The following ZNF273 variants were observed in gnomAD, a reference collection of about 807,000 sequenced individuals.
ZNF273 encodes zinc finger protein 9.
A neutral mutation model predicts 14.9 loss-of-function variants in ZNF273; 11 were observed. The ratio of observed to expected loss-of-function variants is 0.74; its 90% CI spans 0.46 to 1.22. ZNF273 has a LOEUF of 1.22. Among genes scored for constraint, ZNF273 ranks in the 50% most tolerant of loss-of-function variants. The pLI is 0.00. For missense variants in ZNF273, 577 were observed against 660.6 expected, an observed-to-expected ratio of 0.87 and a Z score of 1.39; for synonymous variants, 199 against 223.9, an observed-to-expected ratio of 0.89 and a Z score of 0.99.
rs764423154 is a variant in ZNF273 at position 64,928,847 on chromosome 7, A to G, written c.1519A>G (p.Ile507Val). 5.0e-6 allele frequency: 8 copies of G among 1,613,666 alleles called. No homozygotes were observed. The highest frequency in any genetic ancestry group is 6.8e-6 in the Non-Finnish European group (8 of 1,179,906). ...WSSTLTKHKR[I>V]HTGEKPYKCE... ...CTCAACTCTTACTAAACATAAGAGA[A>G]TTCATACTGGAGAGAAGCCCTACAA... Residue 507 changes from isoleucine to valine, a missense_variant, in exon 4 of 4, where the codon ATT becomes GTT. Physicochemically the swap from Ile to Val is conservative, Grantham distance 29 (BLOSUM62 3). This residue lies in a region of ZNF273 where 411 missense variants were observed against 440.4 expected (regional missense o/e 0.93). Coordinates refer to ENST00000476120, the MANE Select transcript of ZNF273 (RefSeq NM_021148.3).
At position 64,903,322 on chromosome 7, in the gene ZNF273, C is replaced by T. The variant is rs1792858125; in HGVS notation, c.5C>T (p.Ser2Phe). The change falls in exon 1 of 4, where the codon TCC becomes TTC. Residue 2 changes from serine (S) to phenylalanine (F), a missense_variant. By Grantham distance (155) the Ser-to-Phe change is radical. Coordinates refer to ENST00000476120, the MANE Select transcript of ZNF273 (RefSeq NM_021148.3). M[S>F]SAPRGPPSVA... ...AGGTCTCGTCTTCACTGCTCTATGT[C>T]CTCTGCTCCTAGAGGTCCACCTTCT... 6.2e-7 allele frequency: 1 copy of T among 1,611,794 alleles called. No homozygotes were observed. The highest frequency in any genetic ancestry group is 2.2e-5 in the East Asian group (1 of 44,796).
Position 64,928,689 on chromosome 7 carries a change from G to T in ZNF273, c.1361G>T (p.Gly454Val). ...TLTKHKIIHTGAKPYKCEECG... is the reference protein window; with the variant it reads ...TLTKHKIIHTVAKPYKCEECG... ...ACTAAACATAAGATAATTCATACTG[G>T]AGCAAAACCTTACAAATGTGAAGAA... Residue 454 changes from glycine to valine, a missense_variant, in exon 4 of 4, where the codon GGA becomes GTA. This residue lies in a region of ZNF273 where 411 missense variants were observed against 440.4 expected (regional missense o/e 0.93). Coordinates refer to ENST00000476120, the MANE Select transcript of ZNF273 (RefSeq NM_021148.3). 6.2e-7 allele frequency: 1 copy of T among 1,606,216 alleles called. No individual in the cohort carries two copies. The highest frequency in any genetic ancestry group is 1.1e-5 in the South Asian group (1 of 90,536).
chr7:64,903,111 T>C (rs1792834515), upstream of ZNF273: 2 of 480,798 alleles, frequency 4.2e-6, no homozygotes, highest in South Asian at 4.6e-5. Context: ...GGTTTCATTC[T>C]ATCTTCTTTC....
At chr7:64,894,058 G>T (rs1347276403), downstream of ZNF273, among the ~76,000 whole-genome samples, 1 of 152,128 alleles carries the variant, frequency 6.6e-6, no homozygotes, top group Admixed American at 6.5e-5. Context: ...AGGCTGGAGT[G>T]CAGTGGTGCA....
intron 3 of ZNF273, among the ~76,000 whole-genome samples, chr7:64,922,179 A>G (rs1794515281): frequency 1.3e-5 from 2 of 148,178 alleles, no homozygotes; most frequent in Admixed American, 6.8e-5. Flanking sequence ...ATCTCATTCC[A>G]TCAACCACGC....
At chr7:64,887,167 G>A (rs1297277759) in intron 1 of ZNF273, among the ~76,000 whole-genome samples, 2 of 152,194 alleles carry the variant, frequency 1.3e-5, no homozygotes, top group African/African-American at 4.8e-5. Flanking sequence ...GCAAAGCTAG[G>A]TCTATCATTA....
downstream of ZNF273, among the ~76,000 whole-genome samples, chr7:64,932,224 TAA>T (rs34367766): frequency 1.4e-5 from 2 of 146,748 alleles, no homozygotes. Context: ...TAACTGTTTG[TAA>T]AAAAAAAAAA....
chr7:64,886,453 TG>T (rs1334579958), intron 1 of ZNF273, among the ~76,000 whole-genome samples: 1 of 152,178 alleles, frequency 6.6e-6, no homozygotes, highest in African/African-American at 2.4e-5. Context: ...AATTTGCACT[TG>T]GTGGAGAAAA....
At chr7:64,892,045 G>C (rs902372471), downstream of ZNF273, among the ~76,000 whole-genome samples, 1 of 152,066 alleles carries the variant, frequency 6.6e-6, no homozygotes, top group Non-Finnish European at 1.5e-5. Context: ...AATGACCCTG[G>C]CTCCTAGGTG....
rs1239263037 is a variant in ZNF273, at chr7:64,924,430, A to G, written c.326-3224A>G. 2.0e-5 allele frequency: 3 copies of G among 152,112 alleles called. No individual in the cohort carries two copies. In the East Asian group the frequency reaches 5.8e-4, roughly 29 times the overall value. The allele number at this position is 152,112 out of a possible 1,614,324, so 9.4% of individuals were successfully genotyped here. A position where few individuals can be genotyped will look rare whatever the true frequency, so the allele number is the denominator to read the frequency against. ...AAATGGGATATTAAAATAGTCTATA[A>G]TTATATTGTTCTCTATGTGTTTCAA... On this transcript the variant is annotated intron_variant, in intron 3 of 3. Coordinates refer to ENST00000476120, the MANE Select transcript of ZNF273 (RefSeq NM_021148.3).
intron 4 of ZNF273, chr7:64,898,190 A>C (rs1792477830): frequency 6.6e-6 from 1 of 152,234 alleles, no homozygotes; most frequent in Non-Finnish European, 1.5e-5. Flanking sequence ...GTAGTTGTAC[A>C]TCAAATGCTA....
At chr7:64,918,932 A>AAG (rs1428069563) in intron 3 of ZNF273, among the ~76,000 whole-genome samples, 1 of 152,126 alleles carries the variant, frequency 6.6e-6, no homozygotes, top group African/African-American at 2.4e-5. Flanking sequence ...ATATCTGCAT[A>AAG]ATTTTGAGAA....
At chr7:64,926,841 G>A (rs377057249) in intron 3 of ZNF273, among the ~76,000 whole-genome samples, 1 of 152,104 alleles carries the variant, frequency 6.6e-6, no homozygotes, top group Non-Finnish European at 1.5e-5. Context: ...GTTTGTTCAT[G>A]TTTCTTCTTA....
intron 1 of ZNF273, among the ~76,000 whole-genome samples, chr7:64,903,855 C>A (rs976614356): frequency 1.3e-5 from 2 of 152,140 alleles, no homozygotes; most frequent in African/African-American, 4.8e-5. Context: ...GAGCACCCAG[C>A]TGTGGTTTGT....
chr7:64,893,099 C>T (rs577591503), downstream of ZNF273, among the ~76,000 whole-genome samples: 1 of 96,298 alleles, frequency 1.0e-5, no homozygotes, highest in East Asian at 3.2e-4. Context: ...TCAGGCTGAT[C>T]TTTGTTAGTA....
rs189932360 is a variant in ZNF273 at position 64,910,659 on chromosome 7, C to G, written c.103-6922C>G. On this transcript the variant is annotated intron_variant, in intron 1 of 3. Transcript: ENST00000476120. ...TTCTTTTTGCTTAAGATTGCCTTGG[C>G]TATTCAAGTTTTGTTTGTTTTTGTT... Among the ~76,000 whole-genome samples the G allele has an allele frequency of 9.4e-4, 142 of 150,518 alleles. 1 individual carries two copies. Among genetic ancestry groups the G allele is most frequent in the Admixed American group, 1.7e-3 (26 of 15,112 alleles).
intron 3 of ZNF273, among the ~76,000 whole-genome samples, chr7:64,921,915 T>C (rs575742795): frequency 6.6e-6 from 1 of 152,010 alleles, no homozygotes; most frequent in East Asian, 1.9e-4. Flanking sequence ...AGGTGAGAGC[T>C]ACCATGCCCA....
chr7:64,903,173 C>A, upstream of ZNF273: 1 of 621,582 alleles, frequency 1.6e-6, no homozygotes, highest in South Asian at 1.9e-5. Context: ...GGGGGCGGGT[C>A]CTTAAACATC....
chr7:64,894,959 C>G (rs1440856939), intron 3 of ZNF273, among the ~76,000 whole-genome samples: 1 of 140,934 alleles, frequency 7.1e-6, no homozygotes, highest in African/African-American at 2.8e-5. Context: ...GAAACCCCGT[C>G]TCTACTAAAA....
Sources: gnomAD v4.1 joint callset for allele counts (sites outside exome capture counted in the v4.1 genomes callset) on GRCh38, gnomAD v4.1.1 for gene constraint, gnomAD v4.1.1 regional missense constraint, MANE v1.5 for transcripts, NCBI Gene and HGNC (gene_info 2026-07-23, HGNC 2026-07-21) for gene names.